BICD1: variants seen among roughly 807,000 people sequenced by gnomAD.
BICD1 encodes protein bicaudal D homolog 1.
Under a neutral mutation model 92.5 loss-of-function variants are expected in BICD1, and 35 were observed. The ratio of observed to expected loss-of-function variants is 0.38; its 90% confidence interval spans 0.29 to 0.50. The LOEUF is 0.50. Ranked by LOEUF, BICD1 falls within the 20% of genes least tolerant of loss-of-function variation. The pLI, the probability that BICD1 is intolerant of heterozygous loss-of-function variation, is 0.93. For synonymous variants in BICD1, 429 were observed against 465.1 expected (o/e 0.92, Z 1.00); for missense variants, 950 against 1,189.8 (o/e 0.80, Z 2.97).
rs541118171 is a variant in BICD1 at position 32,242,052 on chromosome 12, C to A, written c.426+25593C>A. Among the ~76,000 whole-genome samples the A allele has an allele frequency of 2.3e-3, 344 of 149,860 alleles. 2 individuals are homozygous for A. Among genetic ancestry groups the A allele is most frequent in the African/African-American group, 8.0e-3 (324 of 40,672 alleles). ...TCTCCAAAACAAACAAACAAACAAA[C>A]AAAAAAACAAAAATTAGCTGGGCAT... On this transcript the variant is annotated intron_variant, in intron 2 of 9. Coordinates refer to ENST00000652176, the MANE Select transcript of BICD1 (RefSeq NM_001714.4).
At chr12:32,238,892 C>T (rs1428472683) in intron 2 of BICD1, among the ~76,000 whole-genome samples, 5 of 139,836 alleles carry the variant, frequency 3.6e-5, no homozygotes, top group East Asian at 2.2e-4. Context: ...TGCAGTGAGC[C>T]GAGATCGCGC....
chr12:32,275,384 G>T (rs556551652), intron 2 of BICD1, among the ~76,000 whole-genome samples: 1 of 152,262 alleles, frequency 6.6e-6, no homozygotes, highest in South Asian at 2.1e-4. Flanking sequence ...AACAAGATGG[G>T]AGTGAGACTT....
chr12:32,309,344 T>C (rs751651918), intron 4 of BICD1, among the ~76,000 whole-genome samples: 1 of 152,194 alleles, frequency 6.6e-6, no homozygotes, highest in Non-Finnish European at 1.5e-5. Context: ...ACTTTAAGTA[T>C]AGCTATCTGG....
At chr12:32,329,882 C>G (rs11051938) in intron 5 of BICD1, among the ~76,000 whole-genome samples, 33,617 of 152,060 alleles carry the variant, frequency 0.22, 4,237 homozygotes, top group East Asian at 0.6. Context: ...TTTAGTTTAT[C>G]TGAAAAGATA....
rs1019941949 is a variant in BICD1, at chr12:32,328,797, A to C, written c.2100+242A>C. ...GAACTTAAAGCAGGAACACAGGAGA[A>C]GATCTAGATGCCTTTCTGCAGATGT... On this transcript the variant is annotated intron_variant, in intron 5 of 9. Transcript: ENST00000652176. This position sits in a 1 kb window ranked among gnomAD's most constrained non-coding sequence, Gnocchi z 4.4. 5.3e-5 allele frequency among the ~76,000 whole-genome samples: 8 copies of C among 152,184 alleles called. No homozygotes were observed. The South Asian group carries it at 1.7e-3, about 32-fold the overall frequency.
chr12:32,171,970 C>T (rs1020754870), intron 1 of BICD1, among the ~76,000 whole-genome samples: 1 of 149,290 alleles, frequency 6.7e-6, no homozygotes, highest in Admixed American at 6.7e-5. Flanking sequence ...CACACACACA[C>T]ACACACACAC....
intron 4 of BICD1, among the ~76,000 whole-genome samples, chr12:32,310,294 A>G (rs1367308400): frequency 6.6e-6 from 1 of 152,240 alleles, no homozygotes; most frequent in Admixed American, 6.5e-5. Flanking sequence ...AGTAAGCCAA[A>G]TACTGACACA....
intron 8 of BICD1, among the ~76,000 whole-genome samples, chr12:32,342,178 G>A (rs949942198): frequency 1.3e-5 from 1 of 77,966 alleles, no homozygotes; most frequent in Non-Finnish European, 2.3e-5. Flanking sequence ...ATATATATAT[G>A]TGTGTATATA....
chr12:32,313,413 A>G lies in BICD1; in HGVS notation c.1005+7291A>G, dbSNP rs1456698170. 6.6e-6 allele frequency among the ~76,000 whole-genome samples: 1 copy of G among 152,202 alleles called. No individual in the cohort carries two copies. The highest frequency in any genetic ancestry group is 1.5e-5 in the Non-Finnish European group (1 of 68,030). ...ACTGTATGGGGTAGAGAGTATTATTATCTTCATATTATAGATAGGGAAACT... is the reference window on the plus strand; with the variant it reads ...ACTGTATGGGGTAGAGAGTATTATTGTCTTCATATTATAGATAGGGAAACT... On this transcript the variant is annotated intron_variant, in intron 4 of 9. Coordinates refer to ENST00000652176, the MANE Select transcript of BICD1 (RefSeq NM_001714.4). The surrounding 1 kb of genome is among the most constrained non-coding windows in gnomAD (Gnocchi z 4.2).
In BICD1 at chr12:32,379,111, A is replaced by G. The variant is rs547427446; in HGVS notation, c.*1484A>G. On this transcript the variant is annotated 3_prime_UTR_variant, in exon 10 of 10. Transcript: ENST00000652176. ...GGGTTTGACCTTTTCATATAAAGACATCTGTAACTTCTCTTCAAAACAAAA... is the reference window on the plus strand; with the variant it reads ...GGGTTTGACCTTTTCATATAAAGACGTCTGTAACTTCTCTTCAAAACAAAA... The G allele has an allele frequency of 1.3e-5, 2 of 152,328 alleles. No homozygotes were observed. The highest frequency in any genetic ancestry group is 4.8e-5 in the African/African-American group (2 of 41,568). 9.4% of individuals were successfully genotyped at this position (152,328 alleles called of 1,614,324 possible).
intron 1 of BICD1, among the ~76,000 whole-genome samples, chr12:32,208,803 G>C (rs1945132737): frequency 6.6e-6 from 1 of 151,920 alleles, no homozygotes; most frequent in Non-Finnish European, 1.5e-5. Flanking sequence ...GATCATTTGG[G>C]CTCAGTGTTT....
intron 8 of BICD1, among the ~76,000 whole-genome samples, chr12:32,355,807 CAA>C (rs796995209): frequency 2.2e-5 from 3 of 135,900 alleles, no homozygotes; most frequent in Admixed American, 7.4e-5. Flanking sequence ...GACTCTGTCT[CAA>C]AAAAAAAAAA....
chr12:32,301,532 C>T (rs1043559861), intron 3 of BICD1, among the ~76,000 whole-genome samples: 3 of 151,646 alleles, frequency 2.0e-5, no homozygotes, highest in African/African-American at 7.3e-5. Context: ...CCCAGCACTT[C>T]GGGAGGCTGA....
intron 1 of BICD1, among the ~76,000 whole-genome samples, chr12:32,190,112 A>G (rs1023231192): frequency 1.3e-5 from 2 of 152,236 alleles, no homozygotes; most frequent in African/African-American, 2.4e-5. Flanking sequence ...GTAGAAACAC[A>G]GAAGATAAAG....
At chr12:32,129,980 T>A (rs1013859067) in intron 1 of BICD1, among the ~76,000 whole-genome samples, 1 of 152,158 alleles carries the variant, frequency 6.6e-6, no homozygotes, top group Admixed American at 6.5e-5. Context: ...GTGGATGACT[T>A]ACAAACAATT....
At chr12:32,270,684 G>T (rs528458731) in intron 2 of BICD1, among the ~76,000 whole-genome samples, 2 of 152,142 alleles carry the variant, frequency 1.3e-5, no homozygotes, top group Admixed American at 1.3e-4. Flanking sequence ...AATTCATTTG[G>T]CTGGTATTGA....
intron 2 of BICD1, among the ~76,000 whole-genome samples, chr12:32,263,056 G>C (rs1276221716): frequency 1.3e-5 from 2 of 151,916 alleles, no homozygotes; most frequent in Admixed American, 1.3e-4. Flanking sequence ...GATCACCTGA[G>C]CCCGGGCAGC....
chr12:32,210,800 A>T (rs1945193067), intron 1 of BICD1, among the ~76,000 whole-genome samples: 1 of 152,266 alleles, frequency 6.6e-6, no homozygotes, highest in African/African-American at 2.4e-5. Flanking sequence ...TAGAAGCACG[A>T]CTACCCTATA....
At position 32,356,581 on chromosome 12, in the gene BICD1, C is replaced by T. The variant is rs528546080; in HGVS notation, c.2765-11089C>T. ...CCGGGAAGCAGAGGTTGCAATGAGC[C>T]GAGAGCACACTACTGCACTCCAGCC... On this transcript the variant is annotated intron_variant, in intron 8 of 9. Coordinates refer to ENST00000652176, the MANE Select transcript of BICD1 (RefSeq NM_001714.4). 2.4e-4 allele frequency among the ~76,000 whole-genome samples: 36 copies of T among 151,642 alleles called. No homozygotes were observed. The South Asian group carries it at 5.4e-3, about 23-fold the overall frequency.
Sources: gnomAD v4.1 joint callset for allele counts (sites outside exome capture counted in the v4.1 genomes callset) on GRCh38, gnomAD v4.1.1 for gene constraint, Gnocchi (gnomAD v3.1) non-coding constraint, MANE v1.5 for transcripts, NCBI Gene and HGNC (gene_info 2026-07-23, HGNC 2026-07-21) for gene names.